DYNC2H1: variants seen among roughly 807,000 people sequenced by gnomAD.
DYNC2H1 encodes dynein cytoplasmic 2 heavy chain 1.
In DYNC2H1, 410 loss-of-function variants were observed where a neutral mutation model predicts 570.0. The observed-to-expected ratio is 0.72, with a 90% CI of 0.66 to 0.78. The LOEUF (loss-of-function observed/expected upper bound fraction) is 0.78. DYNC2H1 is among the 30% of genes least tolerant of loss of function. The probability of loss-of-function intolerance (pLI) is 0.00; values close to 1 mark genes in which losing one functional copy is unlikely to be tolerated. For missense variants in DYNC2H1, 4,865 were observed against 5,046.4 expected, an observed-to-expected ratio of 0.96 and a Z score of 1.09; for synonymous variants, 1,688 against 1,677.6, an observed-to-expected ratio of 1.01 and a Z score of -0.15.
chr11:103,321,343 C>A (rs1938185589), intron 81 of DYNC2H1, 106 bp downstream of exon 81: 15 of 1,123,048 alleles, frequency 1.3e-5, no homozygotes, highest in Non-Finnish European at 2.0e-5. Context: ...AGTAATTATT[C>A]ACAGTTTGGA....
intron 54 of DYNC2H1, 82 bp from the exon 55 acceptor site, chr11:103,215,639 A>C: frequency 7.4e-7 from 1 of 1,347,654 alleles, no homozygotes; most frequent in Non-Finnish European, 9.7e-7. Flanking sequence ...TGTTTGCTTG[A>C]TTCTTTTCTA....
intron 82 of DYNC2H1, among the ~76,000 whole-genome samples, chr11:103,355,589 C>G (rs758362101): frequency 6.6e-5 from 10 of 152,260 alleles, no homozygotes; most frequent in Middle Eastern, 3.4e-3. Flanking sequence ...TACAATAAAA[C>G]ATACCAATTG....
At chr11:103,206,894 A>G (rs1026599346) in intron 52 of DYNC2H1, among the ~76,000 whole-genome samples, 1 of 152,066 alleles carries the variant, frequency 6.6e-6, no homozygotes, top group Non-Finnish European at 1.5e-5. Context: ...GAAATGGGTC[A>G]GTAACTGGAG....
intron 17 of DYNC2H1, among the ~76,000 whole-genome samples, chr11:103,140,304 G>T (rs1336119737): frequency 2.6e-5 from 4 of 152,010 alleles, no homozygotes; most frequent in Non-Finnish European, 4.4e-5. Context: ...TTCTTCCTAG[G>T]CTCGATGGTC....
At chr11:103,404,680 A>G (rs1219570812) in intron 84 of DYNC2H1, 1 of 151,620 alleles carries the variant, frequency 6.6e-6, no homozygotes, top group Non-Finnish European at 1.5e-5. Context: ...AAAGCACCCT[A>G]TCATGGCAAA....
chr11:103,280,609 A>G lies in DYNC2H1; in HGVS notation c.10761+196A>G, dbSNP rs962287883. Among the ~76,000 whole-genome samples, 1 of 152,160 alleles carries G rather than the reference A, an allele frequency of 6.6e-6. No individual in the cohort carries two copies. The highest frequency in any genetic ancestry group is 1.5e-5 in the Non-Finnish European group (1 of 68,000). The stretch of plus-strand genomic sequence containing the variant: ...TGGATGAGCCTAACATTCCAGAGTG[A>G]TGGTAAAGCAGGGAAAGAAATCTAC... On this transcript the variant is annotated intron_variant, in intron 71 of 88. Coordinates refer to ENST00000375735, the MANE Select transcript of DYNC2H1 (RefSeq NM_001377.3). The surrounding 1 kb of genome is among the most constrained non-coding windows in gnomAD (Gnocchi z 4.7).
chr11:103,242,734 CT>C (rs530650004), intron 63 of DYNC2H1, among the ~76,000 whole-genome samples: 2 of 150,808 alleles, frequency 1.3e-5, no homozygotes, highest in Admixed American at 6.6e-5. Flanking sequence ...TTCTAACTCC[CT>C]TTTTTTTTGA....
At position 103,181,460 on chromosome 11, in the gene DYNC2H1, C is replaced by T. The variant is rs767108229; in HGVS notation, c.6348-297C>T. ...GTAGGTTGTGTAGATATATAATTCT[C>T]GTTTAGTTTATATTTATAATAAAAT... On this transcript the variant is annotated intron_variant, in intron 39 of 88. Coordinates refer to ENST00000375735, the MANE Select transcript of DYNC2H1 (RefSeq NM_001377.3). The surrounding 1 kb of genome is among the most constrained non-coding windows in gnomAD (Gnocchi z 5.0). Among the ~76,000 whole-genome samples, 26 of 151,002 alleles carry T rather than the reference C, an allele frequency of 1.7e-4. No homozygotes were observed. The highest frequency in any genetic ancestry group is 2.7e-4 in the African/African-American group (11 of 41,140).
chr11:103,146,970 A>T (rs1860272660), intron 18 of DYNC2H1, among the ~76,000 whole-genome samples: 1 of 152,126 alleles, frequency 6.6e-6, no homozygotes, highest in African/African-American at 2.4e-5. Context: ...CAAAAATGTG[A>T]TTTTTAATTA....
intron 45 of DYNC2H1, among the ~76,000 whole-genome samples, chr11:103,191,094 C>T (rs1445817636): frequency 2.8e-5 from 4 of 143,130 alleles, no homozygotes; most frequent in Non-Finnish European, 1.5e-5. Context: ...GGTTGTAGTG[C>T]AGTGGCACAA....
chr11:103,118,797 A>G (rs984959841), intron 6 of DYNC2H1, among the ~76,000 whole-genome samples: 2 of 152,162 alleles, frequency 1.3e-5, no homozygotes, highest in African/African-American at 4.8e-5. Flanking sequence ...GCCATATGGC[A>G]TTTCTCACCT....
At chr11:103,224,455 T>C (rs1383592926) in intron 59 of DYNC2H1, among the ~76,000 whole-genome samples, 2 of 152,232 alleles carry the variant, frequency 1.3e-5, no homozygotes, top group African/African-American at 4.8e-5. Context: ...CTTACGCCTT[T>C]GCGTCCTTAT....
At chr11:103,295,284 C>A (rs1380197270) in intron 75 of DYNC2H1, among the ~76,000 whole-genome samples, 1 of 152,126 alleles carries the variant, frequency 6.6e-6, no homozygotes, top group Non-Finnish European at 1.5e-5. Flanking sequence ...TGGTAGAATT[C>A]TGTCTGGTAA....
chr11:103,388,504 C>T (rs1020942505), intron 83 of DYNC2H1, among the ~76,000 whole-genome samples: 3 of 152,114 alleles, frequency 2.0e-5, no homozygotes, highest in African/African-American at 7.2e-5. Context: ...TTTCCTTCTC[C>T]TGCCTGATTG....
chr11:103,291,558 T>A (rs1281282957), intron 75 of DYNC2H1, among the ~76,000 whole-genome samples: 1 of 152,224 alleles, frequency 6.6e-6, no homozygotes, highest in East Asian at 1.9e-4. Context: ...GTTCTGTAAA[T>A]GTCTGTTATG....
At chr11:103,342,494 T>G (rs1336722820) in intron 82 of DYNC2H1, among the ~76,000 whole-genome samples, 3 of 149,882 alleles carry the variant, frequency 2.0e-5, no homozygotes, top group African/African-American at 4.9e-5. Context: ...GCTCACTCTT[T>G]GAGTCTGTGC....
chr11:103,137,157 T>G (rs1164010096), intron 17 of DYNC2H1, among the ~76,000 whole-genome samples: 1 of 148,524 alleles, frequency 6.7e-6, no homozygotes, highest in African/African-American at 2.5e-5. Flanking sequence ...TTGCAAAAAT[T>G]TTCTCCCATT....
chr11:103,188,069 C>T (rs1280271927), intron 43 of DYNC2H1, among the ~76,000 whole-genome samples: 4 of 151,968 alleles, frequency 2.6e-5, no homozygotes, highest in Non-Finnish European at 5.9e-5. Flanking sequence ...ATTTACATCA[C>T]ATTAGAAGCT....
rs533983725 is a variant in DYNC2H1, at chr11:103,292,152, T to A, written c.11095+4547T>A. The stretch of plus-strand genomic sequence containing the variant: ...TCTGGTTGTTTTGTTAGTGTCTTCT[T>A]CTTCTCTTTTTTTTTTTCCTTTCTT... On this transcript the variant is annotated intron_variant, in intron 75 of 88. Transcript: ENST00000375735. Among the ~76,000 whole-genome samples the A allele has an allele frequency of 2.0e-3, 275 of 137,352 alleles. 3 individuals carry two copies. The highest frequency in any genetic ancestry group is 6.8e-3 in the African/African-American group (250 of 36,640). The allele number at this position is 137,352 out of a possible 152,430, so 90.1% of individuals were successfully genotyped here. A position where few individuals can be genotyped will look rare whatever the true frequency, so the allele number is the denominator to read the frequency against.
Sources: gnomAD v4.1 joint callset for allele counts (sites outside exome capture counted in the v4.1 genomes callset) on GRCh38, gnomAD v4.1.1 for gene constraint, Gnocchi (gnomAD v3.1) non-coding constraint, MANE v1.5 for transcripts, NCBI Gene and HGNC (gene_info 2026-07-23, HGNC 2026-07-21) for gene names.